The following LIX1L variants were observed in gnomAD, a reference collection of about 807,000 sequenced individuals.
LIX1L encodes limb and CNS expressed 1 like, also known as LIX1-like protein.
LIX1L carries 20 observed loss-of-function variants against 34.0 expected under a neutral mutation model. The observed-to-expected ratio is 0.59, with a 90% CI of 0.41 to 0.85. LIX1L has a LOEUF of 0.85. Ranked by LOEUF, LIX1L falls within the 40% of genes least tolerant of loss-of-function variation. LIX1L has a pLI of 0.00. For synonymous variants in LIX1L, 170 were observed against 187.4 expected (o/e 0.91, Z 0.76); for missense variants, 397 against 447.0 (o/e 0.89, Z 1.01).
rs587633273 is a variant in LIX1L at position 145,952,052 on chromosome 1, G to A, written c.293-4270C>T. Among the ~76,000 whole-genome samples, 5 of 152,292 alleles carry A rather than the reference G, an allele frequency of 3.3e-5. No homozygotes were observed. The South Asian group carries it at 1.0e-3, about 32-fold the overall frequency. ...ACTTATTCATTTTTAGGGCTGGAAG[G>A]AACTTTAGAGATCATCTAGTCCAAT... is the stretch of plus-strand genomic sequence containing the variant. On this transcript the variant is annotated intron_variant, in intron 1 of 5. Transcript: ENST00000604000.
chr1:145,939,638 C>CTTTTTTT (rs587705670), intron 3 of LIX1L, among the ~76,000 whole-genome samples: 26 of 132,738 alleles, frequency 2.0e-4, no homozygotes, highest in Non-Finnish European at 2.8e-4. Flanking sequence ...TTTTCTTTTT[C>CTTTTTTT]TTTTTTTTTT....
chr1:145,944,709 T>G (rs1570966225), intron 2 of LIX1L: 1 of 152,170 alleles, frequency 6.6e-6, no homozygotes, highest in East Asian at 1.9e-4. Context: ...ACCCAGCCCA[T>G]GTTCTAATCT....
intron 3 of LIX1L, among the ~76,000 whole-genome samples, chr1:145,938,009 A>G (rs1648730454): frequency 6.6e-6 from 1 of 151,918 alleles, no homozygotes; most frequent in African/African-American, 2.4e-5. Flanking sequence ...GTGCCTGTAA[A>G]TCCCAGCTAC....
Position 145,947,703 on chromosome 1 carries a change from C to A in LIX1L, c.372G>T (p.Val124=). Residue 124 remains valine (V), a synonymous_variant, in exon 2 of 6, where the codon GTG becomes GTT. Transcript: ENST00000604000. ...TGTTGGAGGGAACCATCTCATAAAC[C>A]ACTAGAGCCCCATTCTTTAAGTCAG... ...RGADLKNGAL[V]VYEMVPSNSP... is the part of the protein sequence containing the mutation. The A allele has an allele frequency of 2.5e-6, 4 of 1,614,116 alleles. No homozygotes were observed. The highest frequency in any genetic ancestry group is 3.4e-6 in the Non-Finnish European group (4 of 1,180,014).
Position 145,936,053 on chromosome 1 carries a change from G to C in LIX1L, c.*257C>G. ...CTACACAGTTAATCTGGAAGTTTAA[G>C]AGCTAACAAAGCTGCAAAGACAAGC... On this transcript the variant is annotated 3_prime_UTR_variant, in exon 6 of 6. Transcript: ENST00000604000. 1 of 449,084 alleles carries C rather than the reference G, an allele frequency of 2.2e-6. No homozygotes were observed. Among genetic ancestry groups the C allele is most frequent in the Non-Finnish European group, 4.0e-6 (1 of 251,724 alleles). The allele number at this position is 449,084 out of a possible 1,614,324, so 27.8% of individuals were successfully genotyped here. A position where few individuals can be genotyped will look rare whatever the true frequency, so the allele number is the denominator to read the frequency against.
At position 145,942,540 on chromosome 1, in the gene LIX1L, C is replaced by T. The variant is rs150685870; in HGVS notation, c.597+173G>A. On this transcript the variant is annotated intron_variant, in intron 3 of 5. Transcript: ENST00000604000. ...AACACAGATACAGAACTAGAGACTG[C>T]GACAGGTGGAGCACATGACACAATA... Among the ~76,000 whole-genome samples the T allele has an allele frequency of 5.7e-3, 867 of 152,194 alleles. 7 individuals carry two copies. The highest frequency in any genetic ancestry group is 0.044 in the Middle Eastern group (13 of 294).
chr1:145,939,598 C>A (rs587725114), intron 3 of LIX1L, among the ~76,000 whole-genome samples: 1 of 151,530 alleles, frequency 6.6e-6, no homozygotes, highest in African/African-American at 2.4e-5. Flanking sequence ...TGAACCTCAG[C>A]GCCCAGCCAG....
At chr1:145,942,662 G>GC (rs1553758800) in intron 3 of LIX1L, 51 bp downstream of exon 3, 1 of 1,572,268 alleles carries the variant, frequency 6.4e-7, no homozygotes. Context: ...TTCCCAAGCA[G>GC]CCAGTTCTCC....
Position 145,957,993 on chromosome 1 carries a change from C to T in LIX1L, c.-66G>A. 1.7e-6 allele frequency: 2 copies of T among 1,168,914 alleles called. No homozygotes were observed. Among genetic ancestry groups the T allele is most frequent in the Admixed American group, 7.8e-5 (2 of 25,642 alleles). The allele number at this position is 1,168,914 out of a possible 1,614,324, so 72.4% of individuals were successfully genotyped here. On this transcript the variant is annotated 5_prime_UTR_variant, in exon 1 of 6. Transcript: ENST00000604000. ...TGCCGAGCTAACGGTCCCAACCACC[C>T]CAGTCAGCTAGCGCCTGGGGACTCA...
At position 145,942,723 on chromosome 1, in the gene LIX1L, G is replaced by T; in HGVS notation, c.587C>A (p.Ala196Glu). The T allele has an allele frequency of 6.2e-7, 1 of 1,613,996 alleles. No individual in the cohort carries two copies. The highest frequency in any genetic ancestry group is 1.3e-5 in the African/African-American group (1 of 75,050). The change falls in exon 3 of 6, where the codon GCA (alanine) becomes GAA (glutamate). Residue 196 changes from alanine to glutamate, a missense_variant. By Grantham distance (107) the Ala-to-Glu change is moderately radical. Transcript: ENST00000604000. ...CTCCATACAACTTACATTAAAAGATGCCAGGGCCTCAGAGACACTCTTCTC... is the reference window on the plus strand; with the variant it reads ...CTCCATACAACTTACATTAAAAGATTCCAGGGCCTCAGAGACACTCTTCTC... ...FIEKSVSEAL[A>E]SFNGNREEAD...
In LIX1L at chr1:145,950,165, A is replaced by G; in HGVS notation, c.293-2383T>C. On this transcript the variant is annotated intron_variant, in intron 1 of 5. Transcript: ENST00000604000. ...CTACTCTTAATCGCAACAAAGTCTC[A>G]TTCGTTCTTTCATATTTCCTTAGTT... 2.0e-5 allele frequency: 3 copies of G among 151,884 alleles called. No individual in the cohort carries two copies. In the South Asian group the frequency reaches 6.2e-4, roughly 32 times the overall value. The allele number at this position is 151,884 out of a possible 1,614,324, so 9.4% of individuals were successfully genotyped here. A position where few individuals can be genotyped will look rare whatever the true frequency, so the allele number is the denominator to read the frequency against.
intron 3 of LIX1L, 75 bp downstream of exon 3, chr1:145,942,638 C>A: frequency 7.4e-7 from 1 of 1,342,440 alleles, no homozygotes; most frequent in Non-Finnish European, 1.1e-6. Context: ...CTCTGTTTCA[C>A]AGTAATTTAC....
At chr1:145,943,440 G>A (rs1648994724) in intron 2 of LIX1L, among the ~76,000 whole-genome samples, 1 of 152,116 alleles carries the variant, frequency 6.6e-6, no homozygotes, top group African/African-American at 2.4e-5. Context: ...GTCTGAAGAA[G>A]GAATTTATAG....
At chr1:145,950,632 C>G (rs1553759752) in intron 1 of LIX1L, among the ~76,000 whole-genome samples, 1 of 151,830 alleles carries the variant, frequency 6.6e-6, no homozygotes, top group Non-Finnish European at 1.5e-5. Flanking sequence ...TCCCAAAGTG[C>G]TGGGATTACA....
chr1:145,944,184 C>A (rs1461318875), intron 2 of LIX1L, among the ~76,000 whole-genome samples: 4 of 152,068 alleles, frequency 2.6e-5, no homozygotes, highest in Admixed American at 2.6e-4. Flanking sequence ...TAGTGAGATG[C>A]CAACTCTACA....
intron 2 of LIX1L, among the ~76,000 whole-genome samples, chr1:145,943,184 CAA>C (rs1306013017): frequency 1.3e-5 from 2 of 152,196 alleles, no homozygotes; most frequent in African/African-American, 4.8e-5. Flanking sequence ...ATTAGTTACT[CAA>C]AAGTCAGATT....
At chr1:145,938,096 T>C (rs12027482) in intron 3 of LIX1L, among the ~76,000 whole-genome samples, 20,163 of 150,566 alleles carry the variant, frequency 0.13, 2,266 homozygotes, top group African/African-American at 0.29. Context: ...CACTCCAGCC[T>C]GGACAACAGA....
At chr1:145,949,113 T>A (rs1181378640) in intron 1 of LIX1L, 2 of 152,216 alleles carry the variant, frequency 1.3e-5, no homozygotes, top group Non-Finnish European at 2.9e-5. Flanking sequence ...ATTTATTAGT[T>A]GTAGGTAGGC....
At chr1:145,953,420 A>G (rs1260776376) in intron 1 of LIX1L, among the ~76,000 whole-genome samples, 2 of 152,240 alleles carry the variant, frequency 1.3e-5, no homozygotes, top group Non-Finnish European at 2.9e-5. Flanking sequence ...GATGGCGAGA[A>G]TAGACTGACT....
Sources: allele counts gnomAD v4.1 joint callset (sites outside exome capture counted in the v4.1 genomes callset), GRCh38; gene constraint gnomAD v4.1.1; transcripts MANE v1.5; gene names NCBI Gene and HGNC (gene_info 2026-07-23, HGNC 2026-07-21).